Variants in PALM3 observed in about 807,000 individuals in gnomAD.
The protein encoded by PALM3 is paralemmin 3, also known as paralemmin-3.
A neutral mutation model predicts 27.9 loss-of-function variants in PALM3; 20 were observed. That is an observed-to-expected ratio of 0.72 (90% CI 0.50 to 1.04). The LOEUF (loss-of-function observed/expected upper bound fraction) is 1.04. PALM3 is among the 50% of genes least tolerant of loss of function. The pLI, the probability that PALM3 is intolerant of heterozygous loss-of-function variation, is 0.00. For synonymous variants in PALM3, 328 were observed against 352.7 expected, an observed-to-expected ratio of 0.93 and a Z score of 0.79; for missense variants, 814 against 869.4, an observed-to-expected ratio of 0.94 and a Z score of 0.80.
intron 1 of PALM3, among the ~76,000 whole-genome samples, chr19:14,059,837 C>T (rs1976388114): frequency 6.6e-6 from 1 of 152,114 alleles, no homozygotes; most frequent in African/African-American, 2.4e-5. Context: ...GGTCACTCTG[C>T]CTAGGACTGG....
At position 14,055,021 on chromosome 19, in the gene PALM3, T is replaced by G. The variant is rs1976276092; in HGVS notation, c.651A>C (p.Ala217=). The G allele has an allele frequency of 6.5e-7, 1 of 1,550,108 alleles. No individual in the cohort carries two copies. The highest frequency in any genetic ancestry group is 2.4e-5 in the East Asian group (1 of 40,892). Residue 217 remains alanine, a synonymous_variant, in exon 7 of 7, where the codon GCA becomes GCC. Coordinates refer to ENST00000669674, the MANE Select transcript of PALM3 (RefSeq NM_001145028.2). ...CACCCACCCGCCCTTCGGATGGCAC[T>G]GCCCTCTGACTTAGCCCCTGCTCTG... The part of the protein sequence containing the change: ...PTPEQGLSQR[A]VPSEGRVGEA...
In PALM3 at chr19:14,061,598, C is replaced by T. The variant is rs1976414432; in HGVS notation, c.41+342G>A. Among the ~76,000 whole-genome samples the T allele has an allele frequency of 3.3e-5, 5 of 152,168 alleles. No homozygotes were observed. In the South Asian group the frequency reaches 1.0e-3, roughly 32 times the overall value. ...CCTTTTCTCCCACCTTGGACACTGA[C>T]TTTAGGGGCAAAACGTGGAACCCAG... On this transcript the variant is annotated intron_variant, in intron 1 of 6. Coordinates refer to ENST00000669674, the MANE Select transcript of PALM3 (RefSeq NM_001145028.2).
Position 14,054,014 on chromosome 19 carries a change from A to G in PALM3, c.1658T>C (p.Leu553Pro), listed in dbSNP as rs1232400982. ...TTCCCTAGACCCTTGTTCTAGATTC[A>G]GATCTCCCTCCGTCCCTTGGGTCTT... is the stretch of plus-strand genomic sequence containing the variant. ...TEKTQGTEGD[L>P]NLEQGSREGS... Residue 553 changes from leucine to proline, a missense_variant, in exon 7 of 7, where the codon CTG becomes CCG. Leu to Pro is a moderately conservative substitution (Grantham distance 98). Coordinates refer to ENST00000669674, the MANE Select transcript of PALM3 (RefSeq NM_001145028.2). 11 of 1,551,462 alleles carry G rather than the reference A, an allele frequency of 7.1e-6. No individual in the cohort carries two copies. The highest frequency in any genetic ancestry group is 1.2e-5 in the South Asian group (1 of 84,054).
At position 14,061,269 on chromosome 19, in the gene PALM3, G is replaced by A. The variant is rs76668644; in HGVS notation, c.41+671C>T. ...AATAATGCAATGGAGGACCTAGAAG[G>A]GTGAGGAACCGAATTGGGGTCCCTA... On this transcript the variant is annotated intron_variant, in intron 1 of 6. Transcript: ENST00000669674. Among the ~76,000 whole-genome samples, 664 of 152,248 alleles carry A rather than the reference G, an allele frequency of 4.4e-3. 7 individuals carry two copies. Among genetic ancestry groups the A allele is most frequent in the African/African-American group, 0.015 (635 of 41,538 alleles).
chr19:14,058,981 G>A (rs375320232), intron 2 of PALM3, 134 bp downstream of exon 2: 12 of 727,674 alleles, frequency 1.6e-5, no homozygotes, highest in African/African-American at 1.5e-4. Flanking sequence ...GGCAGAGGGG[G>A]CTGGAGAATT....
At chr19:14,061,144 CGT>C (rs1224783172) in intron 1 of PALM3, among the ~76,000 whole-genome samples, 1 of 152,178 alleles carries the variant, frequency 6.6e-6, no homozygotes, top group Admixed American at 6.5e-5. Flanking sequence ...GCTGAAGTCC[CGT>C]GGTCTCCTGT....
chr19:14,055,231 G>C lies in PALM3; in HGVS notation c.446-5C>G. 2 of 1,441,814 alleles carry C rather than the reference G, an allele frequency of 1.4e-6. No homozygotes were observed. Among genetic ancestry groups the C allele is most frequent in the Non-Finnish European group, 1.8e-6 (2 of 1,103,218 alleles). 89.3% of individuals were successfully genotyped at this position (1,441,814 alleles called of 1,614,324 possible). A position where few individuals can be genotyped will look rare whatever the true frequency, so the allele number is the denominator to read the frequency against. ...TCTTGTTCAGATCAGTCTGGCCTGG[G>C]GGAGTCAGAGGTGGAGGGGAGAGGA... On this transcript the variant is annotated splice_polypyrimidine_tract_variant and splice_region_variant and intron_variant, in intron 6 of 6. Coordinates refer to ENST00000669674, the MANE Select transcript of PALM3 (RefSeq NM_001145028.2).
intron 2 of PALM3, among the ~76,000 whole-genome samples, chr19:14,058,813 T>G (rs918085294): frequency 4.0e-5 from 6 of 151,268 alleles, no homozygotes; most frequent in African/African-American, 9.7e-5. Flanking sequence ...ATTTGAGAGA[T>G]AGCGGTCTGA....
At position 14,056,814 on chromosome 19, in the gene PALM3, G is replaced by A. The variant is rs370525556; in HGVS notation, c.172-10C>T. The A allele has an allele frequency of 9.1e-5, 141 of 1,540,998 alleles. 1 individual carries two copies. The African/African-American group carries it at 1.7e-3, about 18-fold the overall frequency. On this transcript the variant is annotated splice_polypyrimidine_tract_variant and intron_variant, in intron 3 of 6. Coordinates refer to ENST00000669674, the MANE Select transcript of PALM3 (RefSeq NM_001145028.2). The stretch of plus-strand genomic sequence containing the variant: ...CCCGGAGAGACTTCCTCTGGGCAGG[G>A]GAAGGGAGTTGGGGCTGGGCATACA...
chr19:14,060,601 A>G (rs934880974), intron 1 of PALM3, among the ~76,000 whole-genome samples: 1 of 152,106 alleles, frequency 6.6e-6, no homozygotes. Flanking sequence ...GCAGTGTCCA[A>G]GGTCATGGAG....
intron 3 of PALM3, 110 bp downstream of exon 3, chr19:14,057,241 G>A: frequency 5.5e-6 from 3 of 544,800 alleles, no homozygotes; most frequent in Non-Finnish European, 7.5e-6. Context: ...CCAACTGCCC[G>A]CTCCCCCCCA....
chr19:14,058,535 A>T (rs1265256837), intron 2 of PALM3, among the ~76,000 whole-genome samples: 1 of 151,626 alleles, frequency 6.6e-6, no homozygotes, highest in Non-Finnish European at 1.5e-5. Context: ...GTCCAGAGAT[A>T]CTGAGGTGTA....
chr19:14,061,743 A>T (rs780255501), intron 1 of PALM3, among the ~76,000 whole-genome samples, 197 bp downstream of exon 1: 2 of 151,834 alleles, frequency 1.3e-5, no homozygotes, highest in Non-Finnish European at 2.9e-5. Flanking sequence ...GGGAGCCTAT[A>T]TCTCTCTCCC....
At chr19:14,057,246 C>T in intron 3 of PALM3, 105 bp downstream of exon 3, 1 of 768,576 alleles carries the variant, frequency 1.3e-6, no homozygotes, top group Non-Finnish European at 1.9e-6. Context: ...TGCCCGCTCC[C>T]CCCCAAAAAT....
rs1055176350 is a variant in PALM3 at position 14,054,133 on chromosome 19, C to T, written c.1539G>A (p.Glu513=). The stretch of plus-strand genomic sequence containing the variant: ...CTGCCTCCAGTGGTTCTTTGGTTGC[C>T]TCTGGCTCTTCCTCACCTCCTTTCT... ...VEKKGGEEEP[E]ATKEPLEAER... Residue 513 remains glutamate, a synonymous_variant, in exon 7 of 7, where the codon GAG becomes GAA. Coordinates refer to ENST00000669674, the MANE Select transcript of PALM3 (RefSeq NM_001145028.2). 18 of 1,551,600 alleles carry T rather than the reference C, an allele frequency of 1.2e-5. No homozygotes were observed. The highest frequency in any genetic ancestry group is 2.7e-5 in the African/African-American group (2 of 72,896).
chr19:14,060,485 GC>G (rs1976395988), intron 1 of PALM3, among the ~76,000 whole-genome samples: 1 of 152,014 alleles, frequency 6.6e-6, no homozygotes, highest in African/African-American at 2.4e-5. Flanking sequence ...CGTAACACGT[GC>G]CAGGTGCAAT....
chr19:14,055,419 G>C lies in PALM3; in HGVS notation c.406C>G (p.Arg136Gly). ...TCGACAATGGACTGGGAGAGAGGAC[G>C]GTGACCCTGCAGAGATGGCGGAGAC... ...GRPSWRRQGH[R>G]PLSQSIVEAG... is the part of the protein sequence containing the mutation. The change falls in exon 6 of 7, where the codon CGT (arginine) becomes GGT (glycine). Residue 136 changes from arginine to glycine, a missense_variant. Physicochemically the swap from Arg to Gly is moderately radical, Grantham distance 125 (BLOSUM62 -2). Coordinates refer to ENST00000669674, the MANE Select transcript of PALM3 (RefSeq NM_001145028.2). 1 of 1,551,474 alleles carries C rather than the reference G, an allele frequency of 6.4e-7. No individual in the cohort carries two copies. The highest frequency in any genetic ancestry group is 8.7e-7 in the Non-Finnish European group (1 of 1,146,948).
intron 2 of PALM3, 89 bp from the exon 3 acceptor site, chr19:14,057,520 G>A: frequency 1.7e-6 from 2 of 1,143,720 alleles, no homozygotes; most frequent in Non-Finnish European, 1.2e-6. Flanking sequence ...TCCTCCGCGG[G>A]GCTCACCGGA....
chr19:14,055,135 C>G lies in PALM3; in HGVS notation c.537G>C (p.Leu179Phe), dbSNP rs1400962277. 6.4e-7 allele frequency: 1 copy of G among 1,551,096 alleles called. No homozygotes were observed. Among genetic ancestry groups the G allele is most frequent in the Non-Finnish European group, 8.7e-7 (1 of 1,146,950 alleles). The change falls in exon 7 of 7, where the codon TTG (leucine) becomes TTC (phenylalanine). Residue 179 changes from leucine (L) to phenylalanine (F), a missense_variant. Transcript: ENST00000669674. Reference sequence around the variant, plus strand: ...CCTGCCTCGGGCCTGGCAGAAACCCCAAGACATCCTCCCTGGGCTCAGAGG... The same window carrying G: ...CCTGCCTCGGGCCTGGCAGAAACCCGAAGACATCCTCCCTGGGCTCAGAGG... ...ESPSEPREDV[L>F]GFLPGPRQVP...
Sources: gnomAD v4.1 joint callset for allele counts (sites outside exome capture counted in the v4.1 genomes callset) on GRCh38, gnomAD v4.1.1 for gene constraint, MANE v1.5 for transcripts, NCBI Gene and HGNC (gene_info 2026-07-23, HGNC 2026-07-21) for gene names.